Variants in CHRM3 observed in about 807,000 individuals in gnomAD.
The protein encoded by CHRM3 is cholinergic receptor muscarinic 3, also known as muscarinic acetylcholine receptor M3.
In CHRM3, 11 loss-of-function variants were observed where a neutral mutation model predicts 41.8. The observed-to-expected ratio is 0.26, with a 90% CI of 0.17 to 0.44. The LOEUF (loss-of-function observed/expected upper bound fraction) is 0.44. CHRM3 is among the 20% of genes least tolerant of loss of function. CHRM3 has a pLI of 1.00. For missense variants in CHRM3, 571 were observed against 745.4 expected, an observed-to-expected ratio of 0.77 and a Z score of 2.72; for synonymous variants, 297 against 301.4, an observed-to-expected ratio of 0.99 and a Z score of 0.15.
chr1:239,531,690 C>T (rs1356130264), intron 2 of CHRM3, among the ~76,000 whole-genome samples: 10 of 106,486 alleles, frequency 9.4e-5, no homozygotes, highest in African/African-American at 3.1e-4. Flanking sequence ...GGCAGAGTCT[C>T]GCTCTGTCGC....
chr1:239,767,192 G>A (rs1041642134), intron 5 of CHRM3, among the ~76,000 whole-genome samples: 2 of 152,124 alleles, frequency 1.3e-5, no homozygotes, highest in African/African-American at 4.8e-5. Flanking sequence ...CCAGGCTGGC[G>A]TGATTTTTTT....
chr1:239,404,157 T>C (rs369275699), intron 1 of CHRM3, among the ~76,000 whole-genome samples: 55 of 149,860 alleles, frequency 3.7e-4, no homozygotes, highest in Middle Eastern at 3.4e-3. Context: ...GGCGTGGTGG[T>C]GGGCACCTGT....
intron 5 of CHRM3, among the ~76,000 whole-genome samples, chr1:239,795,508 C>T (rs1669695241): frequency 6.6e-6 from 1 of 152,164 alleles, no homozygotes; most frequent in Non-Finnish European, 1.5e-5. Context: ...AGCAGATTTC[C>T]TCCACTGTGT....
chr1:239,758,848 T>C (rs796891560), intron 5 of CHRM3, among the ~76,000 whole-genome samples: 11 of 152,322 alleles, frequency 7.2e-5, no homozygotes, highest in African/African-American at 2.6e-4. Flanking sequence ...TCATAGATAT[T>C]CATGTAGTAG....
At chr1:239,731,119 G>A (rs1663926079) in intron 5 of CHRM3, among the ~76,000 whole-genome samples, 2 of 151,868 alleles carry the variant, frequency 1.3e-5, no homozygotes, top group Admixed American at 1.3e-4. Flanking sequence ...GGGAAGAAGG[G>A]TGTTGATACA....
intron 2 of CHRM3, among the ~76,000 whole-genome samples, chr1:239,511,971 G>C (rs1668953465): frequency 6.6e-6 from 1 of 152,158 alleles, no homozygotes; most frequent in African/African-American, 2.4e-5. Flanking sequence ...TGATTATGAT[G>C]AGTGTGGATT....
rs115791129 is a variant in CHRM3, at chr1:239,576,116, G to A, written c.-313+30367G>A. Among the ~76,000 whole-genome samples the A allele has an allele frequency of 4.2e-3, 646 of 152,090 alleles. 6 individuals are homozygous for A. Among genetic ancestry groups the A allele is most frequent in the African/African-American group, 0.015 (623 of 41,498 alleles). ...ATTTCACATCACATAATGTCCTCAA[G>A]CTTCATCCATGTTGTGTCATATGTC... On this transcript the variant is annotated intron_variant, in intron 3 of 6. Transcript: ENST00000676153.
intron 6 of CHRM3, among the ~76,000 whole-genome samples, chr1:239,841,741 A>G (rs1673818317): frequency 2.0e-5 from 3 of 152,192 alleles, no homozygotes; most frequent in African/African-American, 7.2e-5. Context: ...AGGCATTAGC[A>G]TAACTTGTTT....
intron 5 of CHRM3, among the ~76,000 whole-genome samples, chr1:239,723,702 CA>C (rs1343081969): frequency 6.6e-6 from 1 of 151,898 alleles, no homozygotes; most frequent in Admixed American, 6.6e-5. Context: ...TCATTTGGGG[CA>C]AATTGTATGA....
At chr1:239,823,885 A>G (rs1672247000) in intron 5 of CHRM3, among the ~76,000 whole-genome samples, 1 of 152,102 alleles carries the variant, frequency 6.6e-6, no homozygotes, top group Non-Finnish European at 1.5e-5. Context: ...AAGAGTGACA[A>G]ATGCAGTCAA....
At chr1:239,452,744 A>G (rs191150692) in intron 1 of CHRM3, among the ~76,000 whole-genome samples, 124 of 152,328 alleles carry the variant, frequency 8.1e-4, no homozygotes, top group African/African-American at 3.0e-3. Flanking sequence ...GAAAGTTAAA[A>G]AGATAAAACA....
chr1:239,628,787 G>A (rs1465829208), intron 3 of CHRM3, among the ~76,000 whole-genome samples: 2 of 50,402 alleles, frequency 4.0e-5, no homozygotes, highest in Non-Finnish European at 7.4e-5. Context: ...TGCCCCTGCT[G>A]GGGGGTGCCT....
chr1:239,710,935 G>T (rs1407540733), intron 5 of CHRM3, among the ~76,000 whole-genome samples: 1 of 151,212 alleles, frequency 6.6e-6, no homozygotes, highest in Non-Finnish European at 1.5e-5. Context: ...GCTTCGTTTG[G>T]CTTCTTTTTA....
intron 3 of CHRM3, among the ~76,000 whole-genome samples, chr1:239,560,603 C>T (rs1660764067): frequency 6.6e-6 from 1 of 151,944 alleles, no homozygotes; most frequent in Non-Finnish European, 1.5e-5. Context: ...TATGAATGTA[C>T]CAAAATTTAT....
chr1:239,723,762 C>A (rs993839481), intron 5 of CHRM3, among the ~76,000 whole-genome samples: 30 of 151,766 alleles, frequency 2.0e-4, no homozygotes, highest in African/African-American at 7.3e-4. Context: ...ACATGACTGG[C>A]CCAGGGCTAA....
intron 1 of CHRM3, among the ~76,000 whole-genome samples, chr1:239,476,019 G>C (rs936656576): frequency 2.0e-5 from 3 of 151,960 alleles, no homozygotes; most frequent in African/African-American, 7.2e-5. Flanking sequence ...TGAAAGCAGA[G>C]AGAAAAATGA....
chr1:239,798,239 T>C (rs1227364633), intron 5 of CHRM3, among the ~76,000 whole-genome samples: 2 of 152,314 alleles, frequency 1.3e-5, no homozygotes, highest in Admixed American at 6.5e-5. Context: ...AAATCTCTGT[T>C]AATCAGCTGT....
At chr1:239,818,807 A>C (rs755440379) in intron 5 of CHRM3, among the ~76,000 whole-genome samples, 3 of 152,192 alleles carry the variant, frequency 2.0e-5, no homozygotes, top group Non-Finnish European at 4.4e-5. Context: ...AGAAACAGAG[A>C]ACACAAAGCA....
At chr1:239,690,669 T>C (rs1343837714) in intron 5 of CHRM3, among the ~76,000 whole-genome samples, 2 of 152,158 alleles carry the variant, frequency 1.3e-5, no homozygotes, top group African/African-American at 4.8e-5. Context: ...ACTATATTTG[T>C]CAAAATTTAC....
Sources: allele counts gnomAD v4.1 joint callset (sites outside exome capture counted in the v4.1 genomes callset), GRCh38; gene constraint gnomAD v4.1.1; transcripts MANE v1.5; gene names NCBI Gene and HGNC (gene_info 2026-07-23, HGNC 2026-07-21).